The following UNC5C variants were observed in gnomAD, a reference collection of about 807,000 sequenced individuals.
UNC5C encodes the protein unc-5 netrin receptor C.
UNC5C carries 47 observed loss-of-function variants against 99.8 expected under a neutral mutation model. That is an observed-to-expected ratio of 0.47 (90% CI 0.37 to 0.60). The LOEUF (loss-of-function observed/expected upper bound fraction) is 0.60. Ranked by LOEUF, UNC5C falls within the 20% of genes least tolerant of loss-of-function variation. The pLI, the probability that UNC5C is intolerant of heterozygous loss-of-function variation, is 0.00. For synonymous variants in UNC5C, 487 were observed against 452.2 expected (o/e 1.08, Z -0.98); for missense variants, 1,062 against 1,165.9 (o/e 0.91, Z 1.30).
At chr4:95,460,233 T>C (rs933549541) in intron 1 of UNC5C, among the ~76,000 whole-genome samples, 1 of 151,622 alleles carries the variant, frequency 6.6e-6, no homozygotes, top group Non-Finnish European at 1.5e-5. Flanking sequence ...TATTTCTTTA[T>C]AACTTGAATT....
At chr4:95,383,956 G>A (rs1745141829) in intron 1 of UNC5C, among the ~76,000 whole-genome samples, 1 of 151,982 alleles carries the variant, frequency 6.6e-6, no homozygotes, top group African/African-American at 2.4e-5. Flanking sequence ...TGTCTCTTTG[G>A]TTAAAAAATG....
chr4:95,404,970 A>G (rs535509511), intron 1 of UNC5C, among the ~76,000 whole-genome samples: 1 of 152,248 alleles, frequency 6.6e-6, no homozygotes, highest in South Asian at 2.1e-4. Flanking sequence ...GTGGGGGATC[A>G]CTTTCCCACT....
chr4:95,524,474 C>A (rs184291434), intron 1 of UNC5C, among the ~76,000 whole-genome samples: 1 of 152,280 alleles, frequency 6.6e-6, no homozygotes, highest in East Asian at 1.9e-4. Flanking sequence ...CACCTGCATG[C>A]ATGTTCTTTG....
intron 3 of UNC5C, among the ~76,000 whole-genome samples, chr4:95,294,349 T>C (rs1741596614): frequency 6.6e-6 from 1 of 152,184 alleles, no homozygotes; most frequent in African/African-American, 2.4e-5. Context: ...ATGAGTGAGC[T>C]GTGAGAGGAA....
intron 1 of UNC5C, among the ~76,000 whole-genome samples, chr4:95,450,132 G>C (rs1039432555): frequency 6.6e-6 from 1 of 152,216 alleles, no homozygotes; most frequent in Non-Finnish European, 1.5e-5. Flanking sequence ...ACAGATAACA[G>C]ATCTGCCCTT....
At chr4:95,525,596 T>A (rs1335116643) in intron 1 of UNC5C, among the ~76,000 whole-genome samples, 1 of 102,164 alleles carries the variant, frequency 9.8e-6, no homozygotes, top group African/African-American at 4.0e-5. Flanking sequence ...GCCTATTTCT[T>A]AAAAAAAAAA....
chr4:95,222,701 T>C (rs1175832798), intron 7 of UNC5C, among the ~76,000 whole-genome samples: 3 of 152,108 alleles, frequency 2.0e-5, no homozygotes, highest in Non-Finnish European at 4.4e-5. Flanking sequence ...TTGTGCTTGG[T>C]CTAAGAGAAC....
At chr4:95,327,283 C>T (rs1742923724) in intron 2 of UNC5C, among the ~76,000 whole-genome samples, 1 of 152,016 alleles carries the variant, frequency 6.6e-6, no homozygotes, top group Non-Finnish European at 1.5e-5. Context: ...CGTAAAAAGC[C>T]TACAAATTTC....
rs1209337099 is a variant in UNC5C, at chr4:95,294,159, C to T, written c.490+7447G>A. Reference sequence around the variant, plus strand: ...AAATACATGACCGAAATAATTTTATCTGTTTCTTTTTAAATTGTGGCTACT... The same window carrying T: ...AAATACATGACCGAAATAATTTTATTTGTTTCTTTTTAAATTGTGGCTACT... On this transcript the variant is annotated intron_variant, in intron 3 of 15. Coordinates refer to ENST00000453304, the MANE Select transcript of UNC5C (RefSeq NM_003728.4). 2.0e-5 allele frequency among the ~76,000 whole-genome samples: 3 copies of T among 152,278 alleles called. No homozygotes were observed. The East Asian group carries it at 5.8e-4, about 29-fold the overall frequency.
chr4:95,266,185 A>T (rs1740441249), intron 4 of UNC5C, among the ~76,000 whole-genome samples: 2 of 152,238 alleles, frequency 1.3e-5, no homozygotes, highest in Admixed American at 6.5e-5. Flanking sequence ...CTTCATACAT[A>T]AAACACTCCC....
chr4:95,181,114 C>G (rs1209289592), intron 14 of UNC5C, among the ~76,000 whole-genome samples: 3 of 152,142 alleles, frequency 2.0e-5, no homozygotes, highest in Non-Finnish European at 2.9e-5. Context: ...CCGCAGAGTG[C>G]CCCTTAATCC....
intron 1 of UNC5C, among the ~76,000 whole-genome samples, chr4:95,510,788 G>C (rs1405317325): frequency 6.6e-6 from 1 of 152,114 alleles, no homozygotes; most frequent in Non-Finnish European, 1.5e-5. Context: ...TCCATAGAAT[G>C]GGAGTTTAAT....
At chr4:95,409,345 C>T (rs1025467065) in intron 1 of UNC5C, among the ~76,000 whole-genome samples, 2 of 152,158 alleles carry the variant, frequency 1.3e-5, no homozygotes, top group African/African-American at 4.8e-5. Flanking sequence ...CCATCACTCC[C>T]AACCTGCAGA....
chr4:95,215,500 A>G (rs984787615), intron 10 of UNC5C, among the ~76,000 whole-genome samples: 3 of 152,208 alleles, frequency 2.0e-5, no homozygotes, highest in Non-Finnish European at 4.4e-5. Context: ...TGTTATTTTT[A>G]CTTAAAATAA....
chr4:95,390,693 G>C (rs1745332242), intron 1 of UNC5C, among the ~76,000 whole-genome samples: 1 of 152,136 alleles, frequency 6.6e-6, no homozygotes, highest in Admixed American at 6.5e-5. Flanking sequence ...ATTTTCCATA[G>C]CACCACTTCC....
At chr4:95,184,579 T>TAATA (rs1736754581) in intron 13 of UNC5C, among the ~76,000 whole-genome samples, 1 of 152,204 alleles carries the variant, frequency 6.6e-6, no homozygotes, top group African/African-American at 2.4e-5. Flanking sequence ...TCTTGTTTAA[T>TAATA]AATATCCTGA....
chr4:95,235,404 T>C (rs1334356755), intron 7 of UNC5C, among the ~76,000 whole-genome samples: 1 of 152,214 alleles, frequency 6.6e-6, no homozygotes, highest in African/African-American at 2.4e-5. Flanking sequence ...GATGAGTGGA[T>C]TGCAAAAATT....
intron 1 of UNC5C, among the ~76,000 whole-genome samples, chr4:95,360,899 G>A (rs1744369460): frequency 6.6e-6 from 1 of 152,168 alleles, no homozygotes; most frequent in African/African-American, 2.4e-5. Context: ...TGTTAAGGAG[G>A]CATTTTAATA....
In UNC5C at chr4:95,503,662, C is replaced by T. The variant is rs547617679; in HGVS notation, c.124+45072G>A. On this transcript the variant is annotated intron_variant, in intron 1 of 15. Coordinates refer to ENST00000453304, the MANE Select transcript of UNC5C (RefSeq NM_003728.4). ...CCTTTAGCAACTTTATTAAAAGATGCTAAAATAATAGAATAATCAACATGC... is the reference window on the plus strand; with the variant it reads ...CCTTTAGCAACTTTATTAAAAGATGTTAAAATAATAGAATAATCAACATGC... Among the ~76,000 whole-genome samples, 9 of 152,202 alleles carry T rather than the reference C, an allele frequency of 5.9e-5. No homozygotes were observed. In the East Asian group the frequency reaches 1.5e-3, roughly 26 times the overall value.
Sources: gnomAD v4.1 joint callset for allele counts (sites outside exome capture counted in the v4.1 genomes callset) on GRCh38, gnomAD v4.1.1 for gene constraint, MANE v1.5 for transcripts, NCBI Gene and HGNC (gene_info 2026-07-23, HGNC 2026-07-21) for gene names.